The following CHP1 variants were observed in gnomAD, a reference collection of about 807,000 sequenced individuals.
CHP1 encodes the protein calcineurin B homologous protein 1.
Under a neutral mutation model 27.4 loss-of-function variants are expected in CHP1, and 11 were observed. The ratio of observed to expected loss-of-function variants is 0.40; its 90% CI spans 0.25 to 0.67. CHP1 has a LOEUF of 0.67. Ranked by LOEUF, CHP1 falls within the 30% of genes least tolerant of loss-of-function variation. The probability of loss-of-function intolerance (pLI) is 0.38; values close to 1 mark genes in which losing one functional copy is unlikely to be tolerated. For synonymous variants in CHP1, 89 were observed against 87.4 expected (o/e 1.02, Z -0.10); for missense variants, 169 against 251.3 (o/e 0.67, Z 2.22).
At chr15:41,269,107 G>A (rs1241893300) in intron 4 of CHP1, among the ~76,000 whole-genome samples, 1 of 152,078 alleles carries the variant, frequency 6.6e-6, no homozygotes, top group Admixed American at 6.6e-5. Context: ...GGAGGCTGAG[G>A]TGAGAGGATC....
chr15:41,237,365 C>A (rs1314846577), intron 1 of CHP1, among the ~76,000 whole-genome samples: 1 of 152,256 alleles, frequency 6.6e-6, no homozygotes, highest in East Asian at 1.9e-4. Flanking sequence ...CCAGGCTGGT[C>A]TCGAACTCCT....
At chr15:41,259,670 T>G (rs2047422216) in intron 3 of CHP1, among the ~76,000 whole-genome samples, 1 of 152,236 alleles carries the variant, frequency 6.6e-6, no homozygotes, top group Non-Finnish European at 1.5e-5. Context: ...CATTACTTGA[T>G]TCCTCAGATC....
intron 3 of CHP1, among the ~76,000 whole-genome samples, chr15:41,257,311 A>G (rs2047405512): frequency 6.6e-6 from 1 of 152,132 alleles, no homozygotes; most frequent in Admixed American, 6.6e-5. Flanking sequence ...AATTCGGAGA[A>G]TACTTGTATA....
At chr15:41,259,869 C>T (rs1452050664) in intron 3 of CHP1, among the ~76,000 whole-genome samples, 1 of 152,226 alleles carries the variant, frequency 6.6e-6, no homozygotes. Flanking sequence ...TCTCCTGCCT[C>T]AGCCTCCCCA....
intron 5 of CHP1, 85 bp downstream of exon 5, chr15:41,270,703 C>T (rs576922378): frequency 3.7e-6 from 4 of 1,079,800 alleles, no homozygotes; most frequent in East Asian, 2.4e-5. Context: ...CTTTAGTAAG[C>T]ATTTATTTAA....
intron 5 of CHP1, among the ~76,000 whole-genome samples, chr15:41,278,145 G>T (rs971698165): frequency 1.3e-5 from 2 of 151,892 alleles, no homozygotes; most frequent in African/African-American, 2.4e-5. Flanking sequence ...TGTCTAACAT[G>T]CTGAAACCCC....
intron 4 of CHP1, among the ~76,000 whole-genome samples, chr15:41,263,423 C>T (rs912946345): frequency 7.2e-5 from 11 of 152,184 alleles, no homozygotes; most frequent in African/African-American, 9.6e-5. Flanking sequence ...TTTTTATACC[C>T]GTGTCTCATG....
At position 41,265,206 on chromosome 15, in the gene CHP1, C is replaced by CA. The variant is rs112224504; in HGVS notation, c.349+2331dup. On this transcript the variant is annotated intron_variant, in intron 4 of 6. Transcript: ENST00000334660. ...GTGAAACCCCATTTCTACAAAAATA[C>CA]AAAAAAAATTAGCCAGGCATAATGG... Among the ~76,000 whole-genome samples, 753 of 149,524 alleles carry CA rather than the reference C, an allele frequency of 5.0e-3. 6 individuals are homozygous for CA. Among genetic ancestry groups the CA allele is most frequent in the African/African-American group, 0.018 (723 of 40,768 alleles).
intron 2 of CHP1, 85 bp from the exon 3 acceptor site, chr15:41,256,825 A>G: frequency 9.5e-7 from 1 of 1,054,604 alleles, no homozygotes; most frequent in East Asian, 2.4e-5. Context: ...TATTCTTGCT[A>G]GGTTACACCC....
At chr15:41,266,129 C>G (rs974128428) in intron 4 of CHP1, among the ~76,000 whole-genome samples, 1 of 151,996 alleles carries the variant, frequency 6.6e-6, no homozygotes, top group Non-Finnish European at 1.5e-5. Context: ...TCTAAAAATA[C>G]AAAATTAGCC....
At chr15:41,273,164 T>C (rs1388129958) in intron 5 of CHP1, among the ~76,000 whole-genome samples, 2 of 151,790 alleles carry the variant, frequency 1.3e-5, no homozygotes, top group African/African-American at 4.8e-5. Flanking sequence ...ATATAAAATA[T>C]AATATATATA....
intron 4 of CHP1, among the ~76,000 whole-genome samples, chr15:41,266,232 G>A (rs577665688): frequency 2.2e-4 from 33 of 152,146 alleles, no homozygotes; most frequent in African/African-American, 7.5e-4. Context: ...ACAGTGAGCC[G>A]AGATCACGCT....
At chr15:41,272,747 C>T (rs72739609) in intron 5 of CHP1, among the ~76,000 whole-genome samples, 20 of 151,824 alleles carry the variant, frequency 1.3e-4, no homozygotes, top group African/African-American at 2.9e-4. Flanking sequence ...TAGAAGACAG[C>T]GTAAGAAAAG....
In CHP1 at chr15:41,246,438, G is replaced by A. The variant is rs1029014794; in HGVS notation, c.140+2699G>A. On this transcript the variant is annotated intron_variant, in intron 2 of 6. Transcript: ENST00000334660. The stretch of plus-strand genomic sequence containing the variant: ...GGGTTCAAGTGATTCTCCTGCCTCA[G>A]CTTCCTGAGTAGCTAGGATTACAGG... Among the ~76,000 whole-genome samples the A allele has an allele frequency of 2.0e-5, 3 of 151,052 alleles. No homozygotes were observed. The Admixed American group carries it at 2.0e-4, about 10-fold the overall frequency.
At chr15:41,250,491 C>T (rs191302887) in intron 2 of CHP1, among the ~76,000 whole-genome samples, 17 of 151,866 alleles carry the variant, frequency 1.1e-4, no homozygotes, top group African/African-American at 4.8e-5. Flanking sequence ...CGCTTGAACC[C>T]GGGAGGCGGA....
chr15:41,241,956 CTGTT>C (rs970811833), intron 1 of CHP1, among the ~76,000 whole-genome samples: 3 of 152,152 alleles, frequency 2.0e-5, no homozygotes, highest in Non-Finnish European at 1.5e-5. Context: ...CTTTTCTCCT[CTGTT>C]TGTTTCCCCT....
At chr15:41,259,525 C>CTTTTTT (rs535457262) in intron 3 of CHP1, among the ~76,000 whole-genome samples, 4 of 116,036 alleles carry the variant, frequency 3.4e-5, no homozygotes, top group Non-Finnish European at 3.6e-5. Context: ...CACATTGGGG[C>CTTTTTT]TTTTTTTTTT....
At chr15:41,252,311 G>A (rs2047373430) in intron 2 of CHP1, among the ~76,000 whole-genome samples, 2 of 151,934 alleles carry the variant, frequency 1.3e-5, no homozygotes, top group Admixed American at 6.6e-5. Context: ...TGGGATTACA[G>A]GCACCCGCCA....
At chr15:41,248,988 AC>A (rs1209012099) in intron 2 of CHP1, among the ~76,000 whole-genome samples, 1 of 151,664 alleles carries the variant, frequency 6.6e-6, no homozygotes, top group Non-Finnish European at 1.5e-5. Flanking sequence ...CTCCTCTTCT[AC>A]CCCCTCTAGC....
Sources: gnomAD v4.1 joint callset for allele counts (sites outside exome capture counted in the v4.1 genomes callset) on GRCh38, gnomAD v4.1.1 for gene constraint, MANE v1.5 for transcripts, NCBI Gene and HGNC (gene_info 2026-07-23, HGNC 2026-07-21) for gene names.